The following UCK2 variants were observed in gnomAD, a reference collection of about 807,000 sequenced individuals.
UCK2 encodes the protein cytidine monophosphokinase 2.
Under a neutral mutation model 30.8 loss-of-function variants are expected in UCK2, and 6 were observed. The observed-to-expected ratio is 0.19, with a 90% confidence interval of 0.11 to 0.38. The LOEUF (loss-of-function observed/expected upper bound fraction) is 0.38. Among genes scored for constraint, UCK2 ranks in the 10% least tolerant of loss-of-function variants. The pLI is 1.00. For missense variants in UCK2, 210 were observed against 339.8 expected, an observed-to-expected ratio of 0.62 and a Z score of 3.00; for synonymous variants, 125 against 133.6, an observed-to-expected ratio of 0.94 and a Z score of 0.45.
At chr1:165,871,107 C>T (rs978501991) in intron 1 of UCK2, among the ~76,000 whole-genome samples, 38 of 152,236 alleles carry the variant, frequency 2.5e-4, no homozygotes, top group African/African-American at 8.7e-4. Flanking sequence ...TGAGCCACCT[C>T]GCCTGGCCCC....
Position 165,860,928 on chromosome 1 carries a change from T to C in UCK2, c.100-29276T>C, listed in dbSNP as rs111986672. Among the ~76,000 whole-genome samples the C allele has an allele frequency of 2.6e-5, 4 of 152,254 alleles. 1 individual carries two copies. The highest frequency in any genetic ancestry group is 9.6e-5 in the African/African-American group (4 of 41,534). ...AAGTATAATACTTGAAACTGCTTTG[T>C]TGAGAAAAATAAAAGAAAGCATCTG... On this transcript the variant is annotated intron_variant, in intron 1 of 6. Coordinates refer to ENST00000367879, the MANE Select transcript of UCK2 (RefSeq NM_012474.5).
intron 3 of UCK2, chr1:165,894,398 G>A (rs1048864362): frequency 2.0e-5 from 3 of 152,076 alleles, no homozygotes; most frequent in African/African-American, 7.3e-5. Flanking sequence ...AACTTCTCTA[G>A]GTTGCCTTCT....
At position 165,891,331 on chromosome 1, in the gene UCK2, G is replaced by A; in HGVS notation, c.356+9G>A. ...TTTGTCTCCCATTCCCGGTAAGTGA[G>A]CTGTTCTGGGCCAGGGATGGCACCC... On this transcript the variant is annotated intron_variant, in intron 3 of 6. Coordinates refer to ENST00000367879, the MANE Select transcript of UCK2 (RefSeq NM_012474.5). 1 of 1,613,092 alleles carries A rather than the reference G, an allele frequency of 6.2e-7. No individual in the cohort carries two copies. Among genetic ancestry groups the A allele is most frequent in the Non-Finnish European group, 8.5e-7 (1 of 1,179,036 alleles).
intron 6 of UCK2, 122 bp from the exon 7 acceptor site, chr1:165,907,562 A>C (rs1647708362): frequency 7.4e-7 from 1 of 1,359,672 alleles, no homozygotes; most frequent in Non-Finnish European, 1.0e-6. Context: ...CAAGTGGCAG[A>C]GCCACTTCCC....
intron 3 of UCK2, chr1:165,895,912 A>G: frequency 3.2e-6 from 1 of 310,142 alleles, no homozygotes; most frequent in Non-Finnish European, 5.8e-6. Context: ...AGGTTTTTTT[A>G]ATTCCAAGGA....
At position 165,891,325 on chromosome 1, in the gene UCK2, A is replaced by G; in HGVS notation, c.356+3A>G. On this transcript the variant is annotated splice_donor_region_variant and intron_variant, in intron 3 of 6. Transcript: ENST00000367879. ...TATGACTTTGTCTCCCATTCCCGGT[A>G]AGTGAGCTGTTCTGGGCCAGGGATG... 3 of 1,613,968 alleles carry G rather than the reference A, an allele frequency of 1.9e-6. No homozygotes were observed. The highest frequency in any genetic ancestry group is 1.1e-5 in the South Asian group (1 of 91,076).
chr1:165,835,669 A>G (rs368360634), intron 1 of UCK2, among the ~76,000 whole-genome samples: 28 of 152,328 alleles, frequency 1.8e-4, no homozygotes, highest in African/African-American at 6.7e-4. Context: ...ATTGTCATAC[A>G]TTTTAAAACA....
At chr1:165,873,944 G>A (rs1325135144) in intron 1 of UCK2, among the ~76,000 whole-genome samples, 1 of 151,990 alleles carries the variant, frequency 6.6e-6, no homozygotes, top group Non-Finnish European at 1.5e-5. Context: ...TTTCTTTCCA[G>A]TATCACTGCT....
intron 6 of UCK2, among the ~76,000 whole-genome samples, 198 bp downstream of exon 6, chr1:165,906,167 C>T (rs143281935): frequency 3.9e-5 from 6 of 152,262 alleles, no homozygotes; most frequent in South Asian, 2.1e-4. Flanking sequence ...CCATGTGTTA[C>T]GGGGACAGAC....
chr1:165,890,888 C>A, intron 2 of UCK2: 1 of 292,228 alleles, frequency 3.4e-6, no homozygotes, highest in Non-Finnish European at 6.5e-6. Context: ...TGTACTCCCC[C>A]AGTCATGGGT....
At chr1:165,855,674 C>A (rs940262070) in intron 1 of UCK2, among the ~76,000 whole-genome samples, 3 of 152,050 alleles carry the variant, frequency 2.0e-5, no homozygotes, top group Non-Finnish European at 4.4e-5. Context: ...GCGTGAGCTG[C>A]TGGAAGTCGC....
chr1:165,861,047 C>T (rs1654883375), intron 1 of UCK2, among the ~76,000 whole-genome samples: 1 of 152,158 alleles, frequency 6.6e-6, no homozygotes, highest in Admixed American at 6.5e-5. Context: ...GGCCCAAGTT[C>T]AAGGCACCAG....
chr1:165,888,642 C>CTT (rs60874109), intron 1 of UCK2, among the ~76,000 whole-genome samples: 1,130 of 71,030 alleles, frequency 0.016, 17 homozygotes, highest in African/African-American at 0.017. Context: ...CTTTCTTCTT[C>CTT]TTTTTTTTTT....
rs749033162 is a variant in UCK2, at chr1:165,907,833, A to T, written c.*10A>T. 3.7e-6 allele frequency: 6 copies of T among 1,613,588 alleles called. No individual in the cohort carries two copies. Among genetic ancestry groups the T allele is most frequent in the Non-Finnish European group, 5.1e-6 (6 of 1,179,690 alleles). ...CAGCAGGCCGCATTGACCCGTCTCC[A>T]TCGGACCCCAGCCCCTATCTCCAAG... On this transcript the variant is annotated 3_prime_UTR_variant, in exon 7 of 7. Transcript: ENST00000367879.
intron 1 of UCK2, among the ~76,000 whole-genome samples, chr1:165,828,957 C>G (rs1169219183): frequency 6.6e-6 from 1 of 152,126 alleles, no homozygotes; most frequent in Non-Finnish European, 1.5e-5. Context: ...TTTGGAGAGG[C>G]AGGATGATGC....
chr1:165,900,990 G>A (rs1185449798), intron 4 of UCK2, among the ~76,000 whole-genome samples: 2 of 152,270 alleles, frequency 1.3e-5, no homozygotes, highest in South Asian at 2.1e-4. Flanking sequence ...AGGCCGCGCT[G>A]GCTGTGTGTT....
chr1:165,877,857 A>C (rs1283015018), intron 1 of UCK2, among the ~76,000 whole-genome samples: 1 of 152,128 alleles, frequency 6.6e-6, no homozygotes, highest in Non-Finnish European at 1.5e-5. Context: ...GTTCCTAGCA[A>C]AATTGAGGAA....
chr1:165,891,045 A>G lies in UCK2; in HGVS notation c.260-181A>G, dbSNP rs115984831. The G allele has an allele frequency of 5.8e-4, 336 of 582,986 alleles. 1 individual carries two copies. Among genetic ancestry groups the G allele is most frequent in the Non-Finnish European group, 9.3e-4 (298 of 322,074 alleles). 36.1% of individuals were successfully genotyped at this position (582,986 alleles called of 1,614,324 possible). A position where few individuals can be genotyped will look rare whatever the true frequency, so the allele number is the denominator to read the frequency against. ...TTGTCAGAACTCATTTATACACCCTATTTTGAGATACAGGGAGCATCCATT... is the reference window on the plus strand; with the variant it reads ...TTGTCAGAACTCATTTATACACCCTGTTTTGAGATACAGGGAGCATCCATT... On this transcript the variant is annotated intron_variant, in intron 2 of 6. Transcript: ENST00000367879.
At chr1:165,880,562 TGGGGGTGTGTGTGTGTGTGTGTGTGTGTG>T (rs1414641172) in intron 1 of UCK2, among the ~76,000 whole-genome samples, 294 of 115,844 alleles carry the variant, frequency 2.5e-3, no homozygotes, top group Non-Finnish European at 3.9e-3. Flanking sequence ...CAGTTTTTTT[TGGGGGTGTGTGTGTGTGTGTGTGTGTGTG>T]TGTGTGTGTG....
Sources: allele counts gnomAD v4.1 joint callset (sites outside exome capture counted in the v4.1 genomes callset), GRCh38; gene constraint gnomAD v4.1.1; transcripts MANE v1.5; gene names NCBI Gene and HGNC (gene_info 2026-07-23, HGNC 2026-07-21).